The following FMR1 variants were observed in gnomAD, a reference collection of about 807,000 sequenced individuals.
FMR1 encodes FMRP translational regulator 1.
A neutral mutation model predicts 50.6 loss-of-function variants in FMR1; 13 were observed. The observed-to-expected ratio is 0.26, with a 90% CI of 0.17 to 0.41. FMR1 has a LOEUF of 0.41. Among genes scored for constraint, FMR1 ranks in the 10% least tolerant of loss-of-function variants. FMR1 has a pLI of 1.00. For synonymous variants in FMR1, 138 were observed against 164.1 expected (o/e 0.84, Z 1.22); for missense variants, 316 against 491.3 (o/e 0.64, Z 3.37).
intron 1 of FMR1, 49 bp downstream of exon 1, chrX:147,912,279 T>A: frequency 9.0e-7 from 1 of 1,106,649 alleles, no homozygotes; most frequent in Non-Finnish European, 1.2e-6. Context: ...TTCCCTCCCT[T>A]TTCTTCTTGG....
At chrX:147,948,327 T>C (rs1557182513) in intron 16 of FMR1, 3 of 360,907 alleles carry the variant, frequency 8.3e-6, no homozygotes, top group African/African-American at 5.5e-5. Context: ...ATTTTAACTC[T>C]AGTGTTAGAG....
At chrX:147,916,853 T>G in intron 1 of FMR1, among the ~76,000 whole-genome samples, 1 of 111,798 alleles carries the variant, frequency 8.9e-6, no homozygotes, top group Non-Finnish European at 1.9e-5. Flanking sequence ...GTCTCATGCT[T>G]CAGCCTTCCG....
chrX:147,939,926 C>T (rs1439957538), intron 12 of FMR1, among the ~76,000 whole-genome samples: 1 of 97,799 alleles, frequency 1.0e-5, no homozygotes, highest in Non-Finnish European at 2.0e-5. Flanking sequence ...AAAAAAGAGG[C>T]GGAGGCGGGC....
intron 1 of FMR1, 83 bp downstream of exon 1, chrX:147,912,313 G>A: frequency 1.0e-6 from 1 of 963,809 alleles, no homozygotes; most frequent in Non-Finnish European, 1.4e-6. Flanking sequence ...CAGGCCCGGG[G>A]CCCTCTTCCC....
chrX:147,912,218 C>A lies in FMR1; in HGVS notation c.39C>A (p.Gly13=). ...ELVVEVRGSN[G]AFYKAFVKDV... is the part of the protein sequence containing the mutation. ...TGGTGGAAGTGCGGGGCTCCAATGGCGCTTTCTACAAGGTACTTGGCTCTA... is the reference window on the plus strand; with the variant it reads ...TGGTGGAAGTGCGGGGCTCCAATGGAGCTTTCTACAAGGTACTTGGCTCTA... Residue 13 remains glycine, a synonymous_variant, in exon 1 of 17, where the codon GGC becomes GGA. Transcript: ENST00000370475. 1 of 1,162,794 alleles carries A rather than the reference C, an allele frequency of 8.6e-7. No homozygotes were observed. The highest frequency in any genetic ancestry group is 1.9e-5 in the South Asian group (1 of 52,482).
intron 1 of FMR1, 102 bp from the exon 2 acceptor site, chrX:147,921,831 T>C (rs2043182939): frequency 1.9e-6 from 1 of 536,312 alleles, no homozygotes; most frequent in Middle Eastern, 3.6e-4. Flanking sequence ...AGTTCTATTT[T>C]ATTCATAAAC....
chrX:147,912,104 G>A lies in FMR1; in HGVS notation c.-76G>A. ...GGAGGCGGCGGCGGCGGCGGCGGCG[G>A]CGGCGGCTGGGCCTCGAGCGCCCGC... On this transcript the variant is annotated 5_prime_UTR_variant, in exon 1 of 17. Coordinates refer to ENST00000370475, the MANE Select transcript of FMR1 (RefSeq NM_002024.6). The A allele has an allele frequency of 1.4e-6, 1 of 711,916 alleles. No individual in the cohort carries two copies. Among genetic ancestry groups the A allele is most frequent in the Non-Finnish European group, 1.7e-6 (1 of 574,736 alleles). 58.7% of individuals were successfully genotyped at this position (711,916 alleles called of 1,213,427 possible).
Position 147,912,113 on chromosome X carries a change from G to GCGGA in FMR1, c.-67_-66insCGGA. 1 of 791,198 alleles carries GCGGA rather than the reference G, an allele frequency of 1.3e-6. No homozygotes were observed. The highest frequency in any genetic ancestry group is 2.3e-5 in the African/African-American group (1 of 43,410). The allele number at this position is 791,198 out of a possible 1,213,427, so 65.2% of individuals were successfully genotyped here. Reference sequence around the variant, plus strand: ...GGCGGCGGCGGCGGCGGCGGCGGCTGGGCCTCGAGCGCCCGCAGCCCACCT... The same window carrying GCGGA: ...GGCGGCGGCGGCGGCGGCGGCGGCTGCGGAGGCCTCGAGCGCCCGCAGCCCACCT... On this transcript the variant is annotated 5_prime_UTR_variant, in exon 1 of 17. Coordinates refer to ENST00000370475, the MANE Select transcript of FMR1 (RefSeq NM_002024.6).
At chrX:147,948,660 A>G (rs782422703) in intron 16 of FMR1, 23 bp from the exon 17 acceptor site, 1 of 1,211,715 alleles carries the variant, frequency 8.3e-7, no homozygotes. Context: ...GTCTGTGTAT[A>G]TAACAACTAT....
rs782427673 is a variant in FMR1, at chrX:147,917,615, T to TA, written c.52-4310dup. ...TCTATCCCAATTTTTAAAGCTTTTT[T>TA]AAAAAAAAGAGTGCTTTTGTTGGGA... On this transcript the variant is annotated intron_variant, in intron 1 of 16. Coordinates refer to ENST00000370475, the MANE Select transcript of FMR1 (RefSeq NM_002024.6). Among the ~76,000 whole-genome samples, 235 of 111,972 alleles carry TA rather than the reference T, an allele frequency of 2.1e-3. 1 individual carries two copies. Among genetic ancestry groups the TA allele is most frequent in the Admixed American group, 0.018 (191 of 10,637 alleles).
At chrX:147,938,485 G>A (rs1276155100) in intron 12 of FMR1, among the ~76,000 whole-genome samples, 2 of 111,690 alleles carry the variant, frequency 1.8e-5, no homozygotes, top group Non-Finnish European at 3.8e-5. Flanking sequence ...GGTTTACTCT[G>A]CCTGGAATGC....
intron 6 of FMR1, 27 bp downstream of exon 6, chrX:147,930,068 T>A (rs782070342): frequency 8.7e-7 from 1 of 1,152,995 alleles, no homozygotes; most frequent in East Asian, 3.0e-5. Context: ...TGTTTATTTT[T>A]AGTTTAATTC....
intron 15 of FMR1, among the ~76,000 whole-genome samples, chrX:147,945,265 G>A (rs1196558596): frequency 1.8e-5 from 2 of 112,046 alleles, no homozygotes; most frequent in African/African-American, 6.5e-5. Flanking sequence ...AATAAATGCT[G>A]ATAACTAATT....
intron 3 of FMR1, 70 bp from the exon 4 acceptor site, chrX:147,928,252 A>G (rs2043458772): frequency 3.0e-6 from 3 of 999,242 alleles, no homozygotes; most frequent in Non-Finnish European, 4.2e-6. Context: ...AATTTCCTCG[A>G]TATCTGAAAA....
chrX:147,947,032 T>A (rs1310916761), intron 16 of FMR1: 1 of 112,497 alleles, frequency 8.9e-6, no homozygotes, highest in Non-Finnish European at 1.9e-5. Context: ...CTAACTGCAT[T>A]GGTTAAAAGG....
intron 12 of FMR1, chrX:147,940,029 C>CG (rs1487487280): frequency 1.9e-5 from 2 of 104,219 alleles, no homozygotes; most frequent in Non-Finnish European, 3.9e-5. Context: ...GGCGTAGTGG[C>CG]GGGTGCCTGT....
At chrX:147,942,726 C>T (rs1344358451) in intron 13 of FMR1, among the ~76,000 whole-genome samples, 1 of 112,399 alleles carries the variant, frequency 8.9e-6, no homozygotes, top group African/African-American at 3.2e-5. Flanking sequence ...TTAAGGTTAG[C>T]TGGTTATACC....
At chrX:147,930,273 A>T (rs781867453) in intron 7 of FMR1, 29 bp downstream of exon 7, 2 of 879,726 alleles carry the variant, frequency 2.3e-6, no homozygotes, top group Admixed American at 4.4e-5. Context: ...CACTGCTTGT[A>T]AGGGTACCTA....
At chrX:147,937,669 G>A in intron 11 of FMR1, 69 bp downstream of exon 11, 1 of 613,958 alleles carries the variant, frequency 1.6e-6, no homozygotes, top group South Asian at 2.2e-5. Context: ...TTGGTATTTT[G>A]GATGTTTTCT....
Sources: gnomAD v4.1 joint callset for allele counts (sites outside exome capture counted in the v4.1 genomes callset) on GRCh38, gnomAD v4.1.1 for gene constraint, MANE v1.5 for transcripts, NCBI Gene and HGNC (gene_info 2026-07-23, HGNC 2026-07-21) for gene names.